Variants in ARHGAP26 observed in about 807,000 individuals in gnomAD.
ARHGAP26 encodes rho GTPase-activating protein 26.
In ARHGAP26, 38 loss-of-function variants were observed where a neutral mutation model predicts 104.8. That is an observed-to-expected ratio of 0.36 (90% CI 0.28 to 0.48). The LOEUF (loss-of-function observed/expected upper bound fraction) is 0.48, where lower values mean the gene tolerates loss of function less well. ARHGAP26 is among the 20% of genes least tolerant of loss of function. The pLI, the probability that ARHGAP26 is intolerant of heterozygous loss-of-function variation, is 0.99. For synonymous variants in ARHGAP26, 341 were observed against 340.0 expected, an observed-to-expected ratio of 1.00 and a Z score of -0.03; for missense variants, 704 against 947.9, an observed-to-expected ratio of 0.74 and a Z score of 3.38.
intron 11 of ARHGAP26, among the ~76,000 whole-genome samples, chr5:143,012,856 A>G (rs1016769520): frequency 6.6e-6 from 1 of 151,442 alleles, no homozygotes; most frequent in African/African-American, 2.4e-5. Flanking sequence ...GAGTTTCACC[A>G]TGTTAGCCAG....
At chr5:142,954,102 C>T (rs1768830173) in intron 11 of ARHGAP26, among the ~76,000 whole-genome samples, 1 of 152,186 alleles carries the variant, frequency 6.6e-6, no homozygotes, top group Admixed American at 6.5e-5. Context: ...GCGTTCTAAC[C>T]CCACAGCCCA....
intron 9 of ARHGAP26, among the ~76,000 whole-genome samples, chr5:142,912,151 G>T (rs1761917192): frequency 6.6e-6 from 1 of 152,190 alleles, no homozygotes. Flanking sequence ...AGCAACTTCT[G>T]TGTTTCTGGG....
intron 20 of ARHGAP26, among the ~76,000 whole-genome samples, chr5:143,196,517 A>G (rs1806856851): frequency 6.6e-6 from 1 of 152,038 alleles, no homozygotes; most frequent in Non-Finnish European, 1.5e-5. Context: ...GCCTAAAGTC[A>G]CCTCATTTAA....
At chr5:142,806,949 A>G (rs1763102282) in intron 1 of ARHGAP26, among the ~76,000 whole-genome samples, 1 of 152,212 alleles carries the variant, frequency 6.6e-6, no homozygotes, top group South Asian at 2.1e-4. Flanking sequence ...GGGCTTTGAT[A>G]TAGAACAGCA....
At chr5:142,810,175 G>A (rs1464280407) in intron 1 of ARHGAP26, among the ~76,000 whole-genome samples, 1 of 152,192 alleles carries the variant, frequency 6.6e-6, no homozygotes, top group Non-Finnish European at 1.5e-5. Context: ...TTGTCTGGGA[G>A]GGGCAGGGGA....
At chr5:142,951,996 T>C (rs1768457245) in intron 11 of ARHGAP26, among the ~76,000 whole-genome samples, 1 of 152,210 alleles carries the variant, frequency 6.6e-6, no homozygotes, top group African/African-American at 2.4e-5. Context: ...TTCTGGTTGC[T>C]CCATGCATCC....
chr5:142,877,760 C>T (rs757220227), intron 3 of ARHGAP26, among the ~76,000 whole-genome samples: 5 of 152,118 alleles, frequency 3.3e-5, no homozygotes, highest in Admixed American at 1.3e-4. Context: ...GGACTAAGTC[C>T]AGGGATTCTG....
intron 1 of ARHGAP26, among the ~76,000 whole-genome samples, chr5:142,850,372 G>GCT (rs147891891): frequency 2.9e-4 from 43 of 150,142 alleles, no homozygotes; most frequent in East Asian, 1.7e-3. Context: ...TATTACAGAT[G>GCT]CTCTCTCTCT....
chr5:143,041,866 C>T lies in ARHGAP26; in HGVS notation c.1261C>T (p.Gln421Ter). The T allele has an allele frequency of 6.3e-7, 1 of 1,599,270 alleles. No homozygotes were observed. The highest frequency in any genetic ancestry group is 8.5e-7 in the Non-Finnish European group (1 of 1,172,512). ...AATTGTGGGTGTCAACTCCAGAGTG[C>T]AGAAGTTGCTGAGTGTCCTGATGGG... Reference protein sequence around the residue: ...YRIVGVNSRVQKLLSVLMDPK... With the variant: ...YRIVGVNSRV Residue 421 changes from glutamine (Q) to a stop codon, truncating the protein, a stop_gained, in exon 14 of 23, where the codon CAG becomes TAG. Coordinates refer to ENST00000645722, the MANE Select transcript of ARHGAP26 (RefSeq NM_001135608.3). LOFTEE classifies it high-confidence loss of function.
In ARHGAP26 at chr5:142,992,445, T is replaced by TTA. The variant is rs551787042; in HGVS notation, c.1108-21634_1108-21633insAT. Among the ~76,000 whole-genome samples the TTA allele has an allele frequency of 1.7e-3, 263 of 151,748 alleles. 4 individuals are homozygous for TTA. The highest frequency in any genetic ancestry group is 6.1e-3 in the African/African-American group (253 of 41,458). Reference sequence around the variant, plus strand: ...TTTATTTTATTTTATTTTTTATTTTTTTTTTTGAGAGGGAGTCTTGCCCTG... The same window carrying TTA: ...TTTATTTTATTTTATTTTTTATTTTTTATTTTTTGAGAGGGAGTCTTGCCCTG... On this transcript the variant is annotated intron_variant, in intron 11 of 22. Transcript: ENST00000645722.
At chr5:142,800,898 G>T (rs1296785863) in intron 1 of ARHGAP26, among the ~76,000 whole-genome samples, 1 of 152,126 alleles carries the variant, frequency 6.6e-6, no homozygotes, top group African/African-American at 2.4e-5. Context: ...ATGATGCCAG[G>T]TTCATTTTTT....
chr5:143,179,123 C>T (rs1216034539), intron 20 of ARHGAP26, among the ~76,000 whole-genome samples: 1 of 152,200 alleles, frequency 6.6e-6, no homozygotes, highest in African/African-American at 2.4e-5. Flanking sequence ...CCTGCCTCAG[C>T]CTCCCAAAGT....
At chr5:143,033,027 T>C (rs1562297160) in intron 12 of ARHGAP26, among the ~76,000 whole-genome samples, 1 of 152,264 alleles carries the variant, frequency 6.6e-6, no homozygotes, top group Non-Finnish European at 1.5e-5. Flanking sequence ...CACAGTGTTA[T>C]CTGTTTATAG....
At chr5:143,130,996 G>A (rs1368842084) in intron 18 of ARHGAP26, among the ~76,000 whole-genome samples, 1 of 152,174 alleles carries the variant, frequency 6.6e-6, no homozygotes, top group African/African-American at 2.4e-5. Context: ...CGGTCTTCAG[G>A]AGCCTGGTCC....
At position 143,006,669 on chromosome 5, in the gene ARHGAP26, G is replaced by T. The variant is rs116787713; in HGVS notation, c.1108-7411G>T. 4.8e-3 allele frequency among the ~76,000 whole-genome samples: 737 copies of T among 152,276 alleles called. 5 individuals carry two copies. The highest frequency in any genetic ancestry group is 7.1e-3 in the Non-Finnish European group (486 of 68,020). On this transcript the variant is annotated intron_variant, in intron 11 of 22. Coordinates refer to ENST00000645722, the MANE Select transcript of ARHGAP26 (RefSeq NM_001135608.3). ...AGCACATTTCACCACTCAGACCATGGTGATGAGAGTCACATTTCTGATGGG... is the reference window on the plus strand; with the variant it reads ...AGCACATTTCACCACTCAGACCATGTTGATGAGAGTCACATTTCTGATGGG...
chr5:142,885,133 CAG>C (rs745835119), intron 4 of ARHGAP26, among the ~76,000 whole-genome samples, 163 bp from the exon 5 acceptor site: 12 of 152,300 alleles, frequency 7.9e-5, no homozygotes, highest in Non-Finnish European at 1.5e-4. Flanking sequence ...CACTCAAACT[CAG>C]GGGGCTGTTG....
At chr5:142,960,628 C>T (rs1415806956) in intron 11 of ARHGAP26, among the ~76,000 whole-genome samples, 1 of 152,174 alleles carries the variant, frequency 6.6e-6, no homozygotes, top group Non-Finnish European at 1.5e-5. Flanking sequence ...GGGGAGACTA[C>T]TGTAATGTGA....
intron 10 of ARHGAP26, among the ~76,000 whole-genome samples, chr5:142,929,256 CTCTT>C (rs2152526332): frequency 6.6e-6 from 1 of 152,210 alleles, no homozygotes; most frequent in African/African-American, 2.4e-5. Context: ...TTTAATCTCT[CTCTT>C]CTCTGTCTCC....
chr5:142,927,723 T>A (rs1424375347), intron 10 of ARHGAP26, among the ~76,000 whole-genome samples: 1 of 152,212 alleles, frequency 6.6e-6, no homozygotes, highest in African/African-American at 2.4e-5. Flanking sequence ...AGGGCAGGTT[T>A]ATGTTTAGTT....
Sources: allele counts gnomAD v4.1 joint callset (sites outside exome capture counted in the v4.1 genomes callset), GRCh38; gene constraint gnomAD v4.1.1; transcripts MANE v1.5; gene names NCBI Gene and HGNC (gene_info 2026-07-23, HGNC 2026-07-21).